Variants in PRKG1 observed in about 807,000 individuals in gnomAD.
PRKG1 encodes the protein cGMP-dependent protein kinase 1.
In PRKG1, 35 loss-of-function variants were observed where a neutral mutation model predicts 88.1. The ratio of observed to expected loss-of-function variants is 0.40; its 90% CI spans 0.30 to 0.53. The LOEUF is 0.53. Among genes scored for constraint, PRKG1 ranks in the 20% least tolerant of loss-of-function variants. The probability of loss-of-function intolerance (pLI) is 0.59; values close to 1 mark genes in which losing one functional copy is unlikely to be tolerated. For synonymous variants in PRKG1, 303 were observed against 292.5 expected (o/e 1.04, Z -0.37); for missense variants, 540 against 839.8 (o/e 0.64, Z 4.41).
chr10:51,141,813 A>AAGG, intron 1 of PRKG1, among the ~76,000 whole-genome samples: 3 of 152,144 alleles, frequency 2.0e-5, no homozygotes, highest in African/African-American at 4.8e-5. Flanking sequence ...AATTGTACAT[A>AAGG]TTACATTTCT....
chr10:51,487,106 A>G (rs1840569036), intron 3 of PRKG1, among the ~76,000 whole-genome samples: 1 of 152,154 alleles, frequency 6.6e-6, no homozygotes, highest in South Asian at 2.1e-4. Context: ...GTGTAGAGTT[A>G]AAAGTACGTA....
chr10:51,704,756 A>G (rs1202500407), intron 3 of PRKG1, among the ~76,000 whole-genome samples: 1 of 152,164 alleles, frequency 6.6e-6, no homozygotes, highest in Non-Finnish European at 1.5e-5. Context: ...GAGTGTGACA[A>G]AAGATGGGCT....
intron 17 of PRKG1, among the ~76,000 whole-genome samples, chr10:52,290,787 T>C (rs530899914): frequency 3.9e-4 from 59 of 152,238 alleles, no homozygotes; most frequent in Non-Finnish European, 5.7e-4. Flanking sequence ...GCCCAGGAAT[T>C]TGAGCTTACA....
intron 3 of PRKG1, among the ~76,000 whole-genome samples, chr10:51,645,336 G>A (rs1564587781): frequency 6.6e-6 from 1 of 152,108 alleles, no homozygotes; most frequent in African/African-American, 2.4e-5. Context: ...AGCATTTCAA[G>A]CCATATTAAA....
intron 3 of PRKG1, among the ~76,000 whole-genome samples, chr10:51,711,337 C>T (rs544674713): frequency 1.3e-5 from 2 of 151,800 alleles, no homozygotes; most frequent in Non-Finnish European, 2.9e-5. Flanking sequence ...ATCTCATGAC[C>T]TCGTGATCGA....
chr10:52,217,716 G>T (rs1840147297), intron 9 of PRKG1, among the ~76,000 whole-genome samples: 1 of 152,172 alleles, frequency 6.6e-6, no homozygotes, highest in Admixed American at 6.6e-5. Context: ...GGCAACTGAT[G>T]CAAATGTACT....
At chr10:50,998,284 T>C (rs1344798485) in intron 1 of PRKG1, among the ~76,000 whole-genome samples, 1 of 152,204 alleles carries the variant, frequency 6.6e-6, no homozygotes, top group Non-Finnish European at 1.5e-5. Context: ...TCCTGTTAGA[T>C]CTGTTTTATT....
chr10:51,614,059 T>C (rs550162385), intron 3 of PRKG1, among the ~76,000 whole-genome samples: 1 of 152,128 alleles, frequency 6.6e-6, no homozygotes, highest in East Asian at 1.9e-4. Context: ...TTTTTTTGTC[T>C]AAATGATTTG....
At chr10:51,089,364 C>T (rs947002627) in intron 1 of PRKG1, among the ~76,000 whole-genome samples, 2 of 152,116 alleles carry the variant, frequency 1.3e-5, no homozygotes, top group Admixed American at 6.5e-5. Flanking sequence ...AGAACACGTA[C>T]TAAGAAAATC....
chr10:51,939,053 T>C (rs1280101101), intron 5 of PRKG1, among the ~76,000 whole-genome samples: 1 of 151,980 alleles, frequency 6.6e-6, no homozygotes, highest in African/African-American at 2.4e-5. Flanking sequence ...ATTCTTCTCG[T>C]TATGTGTTAG....
rs532894787 is a variant in PRKG1, at chr10:51,852,322, A to G, written c.698+47632A>G. Among the ~76,000 whole-genome samples, 623 of 148,534 alleles carry G rather than the reference A, an allele frequency of 4.2e-3. 8 individuals are homozygous for G. The highest frequency in any genetic ancestry group is 0.015 in the African/African-American group (589 of 38,944). On this transcript the variant is annotated intron_variant, in intron 4 of 17. Coordinates refer to ENST00000373980, the MANE Select transcript of PRKG1 (RefSeq NM_006258.4). ...TCTCCAACAGGTTGTGTGTGTGTGT[A>G]TATATATACATATACACACACACAC...
intron 1 of PRKG1, among the ~76,000 whole-genome samples, chr10:51,114,654 C>A (rs1328934878): frequency 6.6e-6 from 1 of 152,022 alleles, no homozygotes; most frequent in South Asian, 2.1e-4. Flanking sequence ...TCTAAGTGGT[C>A]ATTTACATAG....
At chr10:51,199,836 C>T (rs1837867813) in intron 2 of PRKG1, among the ~76,000 whole-genome samples, 1 of 152,156 alleles carries the variant, frequency 6.6e-6, no homozygotes, top group Non-Finnish European at 1.5e-5. Context: ...TGTTACACAT[C>T]CTGGGTTACA....
intron 1 of PRKG1, among the ~76,000 whole-genome samples, chr10:51,112,984 A>G (rs1845013898): frequency 6.6e-6 from 1 of 152,198 alleles, no homozygotes; most frequent in Admixed American, 6.5e-5. Context: ...ATGGGCTTCA[A>G]CTAGGCAGAA....
intron 2 of PRKG1, among the ~76,000 whole-genome samples, chr10:51,278,254 G>A (rs572648727): frequency 6.6e-5 from 10 of 152,180 alleles, no homozygotes; most frequent in Admixed American, 1.3e-4. Flanking sequence ...GTTGGATTAC[G>A]TTTATCGATT....
In PRKG1 at chr10:52,164,722, T is replaced by C. The variant is rs541919272; in HGVS notation, c.1076+2759T>C. Among the ~76,000 whole-genome samples the C allele has an allele frequency of 1.2e-4, 19 of 152,290 alleles. No homozygotes were observed. In the South Asian group the frequency reaches 3.9e-3, roughly 32 times the overall value. On this transcript the variant is annotated intron_variant, in intron 9 of 17. Transcript: ENST00000373980. ...AAACCATTGATTTGATAGATTATAA[T>C]ATAGCCATTATGTTTACACTTTTTC... is the stretch of plus-strand genomic sequence containing the variant.
chr10:52,275,937 T>A (rs1841863015), intron 12 of PRKG1, among the ~76,000 whole-genome samples: 1 of 152,110 alleles, frequency 6.6e-6, no homozygotes, highest in African/African-American at 2.4e-5. Context: ...TGTTTGTTTG[T>A]TTGCAGCTAT....
At chr10:51,570,081 T>TATATATATATATA (rs1837711378) in intron 3 of PRKG1, among the ~76,000 whole-genome samples, 1 of 122,344 alleles carries the variant, frequency 8.2e-6, no homozygotes, top group African/African-American at 3.6e-5. Flanking sequence ...GTGTGTGTGT[T>TATATATATATATA]TATATATGTA....
chr10:52,113,448 T>G (rs1847614385), intron 7 of PRKG1, among the ~76,000 whole-genome samples: 1 of 151,526 alleles, frequency 6.6e-6, no homozygotes, highest in Non-Finnish European at 1.5e-5. Context: ...AGAGGGAGTG[T>G]AAGGGAAAGA....
Sources: gnomAD v4.1 joint callset for allele counts (sites outside exome capture counted in the v4.1 genomes callset) on GRCh38, gnomAD v4.1.1 for gene constraint, MANE v1.5 for transcripts, NCBI Gene and HGNC (gene_info 2026-07-23, HGNC 2026-07-21) for gene names.